MAPRE2: variants seen among roughly 807,000 people sequenced by gnomAD.
The protein encoded by MAPRE2 is microtubule-associated protein RP/EB family member 2.
A neutral mutation model predicts 43.2 loss-of-function variants in MAPRE2; 13 were observed. The ratio of observed to expected loss-of-function variants is 0.30; its 90% confidence interval spans 0.20 to 0.48. The LOEUF is 0.48. MAPRE2 is among the 20% of genes least tolerant of loss of function. MAPRE2 has a pLI of 0.99. For synonymous variants in MAPRE2, 135 were observed against 148.8 expected, an observed-to-expected ratio of 0.91 and a Z score of 0.68; for missense variants, 161 against 400.2, an observed-to-expected ratio of 0.40 and a Z score of 5.10.
At chr18:35,058,851 TA>T (rs1906373952) in intron 1 of MAPRE2, among the ~76,000 whole-genome samples, 1 of 152,204 alleles carries the variant, frequency 6.6e-6, no homozygotes, top group Admixed American at 6.5e-5. Flanking sequence ...TCTTCCTGCT[TA>T]ATCTCATGAC....
At chr18:35,053,971 G>A (rs1906086574) in intron 1 of MAPRE2, among the ~76,000 whole-genome samples, 1 of 152,018 alleles carries the variant, frequency 6.6e-6, no homozygotes, top group Non-Finnish European at 1.5e-5. Flanking sequence ...ATGAAAAGAG[G>A]GAGGAAAAAT....
At chr18:35,018,294 G>C (rs140112750) in intron 2 of MAPRE2, among the ~76,000 whole-genome samples, 58 of 151,974 alleles carry the variant, frequency 3.8e-4, no homozygotes, top group African/African-American at 1.4e-3. Context: ...TCTTTGCCAG[G>C]TTTGGGTATC....
intron 1 of MAPRE2, among the ~76,000 whole-genome samples, chr18:34,995,084 G>A (rs549395797): frequency 1.3e-5 from 2 of 152,282 alleles, no homozygotes; most frequent in African/African-American, 2.4e-5. Context: ...ACATCTCCCT[G>A]TAGGTGAGGA....
intron 4 of MAPRE2, among the ~76,000 whole-genome samples, chr18:35,105,499 C>A (rs1165335185): frequency 1.3e-5 from 2 of 152,004 alleles, no homozygotes; most frequent in East Asian, 3.9e-4. Flanking sequence ...ATTAAGACCT[C>A]ATTTTTTCTA....
intron 4 of MAPRE2, among the ~76,000 whole-genome samples, chr18:35,125,798 C>A (rs972120685): frequency 6.6e-6 from 1 of 152,228 alleles, no homozygotes; most frequent in Admixed American, 6.5e-5. Flanking sequence ...TCCAGATAGG[C>A]GAGGTCTTAC....
At chr18:34,983,578 G>A (rs1258353756) in intron 1 of MAPRE2, among the ~76,000 whole-genome samples, 1 of 152,106 alleles carries the variant, frequency 6.6e-6, no homozygotes, top group African/African-American at 2.4e-5. Context: ...ACATGATGTG[G>A]AAACTTGCTG....
At chr18:35,036,033 C>T (rs534719710) in intron 2 of MAPRE2, among the ~76,000 whole-genome samples, 1 of 150,808 alleles carries the variant, frequency 6.6e-6, no homozygotes, top group East Asian at 2.0e-4. Flanking sequence ...CTAGCATGTT[C>T]TAGAGGTACT....
chr18:35,004,107 C>T (rs878855901), intron 1 of MAPRE2, among the ~76,000 whole-genome samples: 2 of 152,122 alleles, frequency 1.3e-5, no homozygotes, highest in Admixed American at 1.3e-4. Flanking sequence ...CTTTTATTCT[C>T]TTGACTCTTG....
chr18:35,014,219 G>T (rs1472351322), intron 2 of MAPRE2, among the ~76,000 whole-genome samples: 5 of 152,080 alleles, frequency 3.3e-5, no homozygotes, highest in Admixed American at 3.3e-4. Context: ...GGAAGAGAAG[G>T]TGGTAGGGTC....
intron 2 of MAPRE2, among the ~76,000 whole-genome samples, chr18:35,094,108 G>C (rs923668648): frequency 2.0e-5 from 3 of 152,172 alleles, no homozygotes; most frequent in Admixed American, 6.6e-5. Context: ...TAGCGACTTT[G>C]AATGTTCTCA....
intron 1 of MAPRE2, among the ~76,000 whole-genome samples, chr18:34,988,087 TA>T (rs1450872702): frequency 6.6e-6 from 1 of 152,220 alleles, no homozygotes; most frequent in African/African-American, 2.4e-5. Flanking sequence ...TTTTTCATTT[TA>T]TTATTGTAAC....
At chr18:35,009,112 A>G (rs377156068) in intron 2 of MAPRE2, among the ~76,000 whole-genome samples, 4 of 152,182 alleles carry the variant, frequency 2.6e-5, no homozygotes, top group African/African-American at 9.6e-5. Flanking sequence ...TTACTGGGGA[A>G]CTAAGATATA....
intron 2 of MAPRE2, among the ~76,000 whole-genome samples, chr18:35,089,533 GC>G (rs34235331): frequency 0.21 from 32,654 of 151,958 alleles, 4,798 homozygotes; most frequent in African/African-American, 0.42. Context: ...CATACAAATG[GC>G]CTAAAAAGCA....
chr18:35,077,036 T>C (rs964358041), intron 2 of MAPRE2, among the ~76,000 whole-genome samples: 1 of 152,082 alleles, frequency 6.6e-6, no homozygotes, highest in African/African-American at 2.4e-5. Flanking sequence ...TAGGGAAAAA[T>C]AGATCACCTG....
At chr18:35,086,940 A>G (rs1016842337) in intron 2 of MAPRE2, among the ~76,000 whole-genome samples, 2 of 152,084 alleles carry the variant, frequency 1.3e-5, no homozygotes, top group African/African-American at 4.8e-5. Context: ...TTAGAGTAAT[A>G]TTTCCTTTTA....
At chr18:35,132,316 C>G in intron 6 of MAPRE2, 126 bp downstream of exon 6, 1 of 762,176 alleles carries the variant, frequency 1.3e-6, no homozygotes, top group Non-Finnish European at 2.1e-6. Flanking sequence ...GCCAAGTGCA[C>G]CTGATAGTCC....
intron 2 of MAPRE2, among the ~76,000 whole-genome samples, chr18:35,009,027 G>A (rs1413842170): frequency 2.6e-5 from 4 of 151,970 alleles, no homozygotes; most frequent in Non-Finnish European, 4.4e-5. Context: ...CATTTATTTT[G>A]TGCCTACTAT....
At chr18:35,101,833 G>T in intron 3 of MAPRE2, 113 bp from the exon 4 acceptor site, 1 of 745,040 alleles carries the variant, frequency 1.3e-6, no homozygotes, top group Non-Finnish European at 2.2e-6. Flanking sequence ...ATTATAAACA[G>T]TGCTGCCACA....
chr18:35,033,929 C>T (rs540049439), intron 2 of MAPRE2, among the ~76,000 whole-genome samples: 10 of 147,112 alleles, frequency 6.8e-5, no homozygotes, highest in Admixed American at 1.4e-4. Context: ...GTGAAAATGG[C>T]CATACTGCCC....
Sources: allele counts gnomAD v4.1 joint callset (sites outside exome capture counted in the v4.1 genomes callset), GRCh38; gene constraint gnomAD v4.1.1; transcripts MANE v1.5; gene names NCBI Gene and HGNC (gene_info 2026-07-23, HGNC 2026-07-21).